The following DNAH10 variants were observed in gnomAD, a reference collection of about 807,000 sequenced individuals.
The protein encoded by DNAH10 is axonemal beta dynein heavy chain 10.
Under a neutral mutation model 506.6 loss-of-function variants are expected in DNAH10, and 348 were observed. The ratio of observed to expected loss-of-function variants is 0.69; its 90% CI spans 0.63 to 0.75. DNAH10 has a LOEUF of 0.75. Among genes scored for constraint, DNAH10 ranks in the 30% least tolerant of loss-of-function variants. The pLI, the probability that DNAH10 is intolerant of heterozygous loss-of-function variation, is 0.00. For missense variants in DNAH10, 5,179 were observed against 5,787.1 expected (o/e 0.89, Z 3.41); for synonymous variants, 2,059 against 2,198.6 (o/e 0.94, Z 1.78).
intron 39 of DNAH10, among the ~76,000 whole-genome samples, 173 bp from the exon 40 acceptor site, chr12:123,864,422 G>GT (rs1951725958): frequency 6.6e-6 from 1 of 152,066 alleles, no homozygotes; most frequent in South Asian, 2.1e-4. Context: ...TGGGATTACA[G>GT]TTTTTTATGT....
At position 123,928,980 on chromosome 12, in the gene DNAH10, C is replaced by G; in HGVS notation, c.12307-295C>G. The G allele has an allele frequency of 3.8e-6, 1 of 262,444 alleles. No individual in the cohort carries two copies. The highest frequency in any genetic ancestry group is 8.1e-5 in the South Asian group (1 of 12,390). 16.3% of individuals were successfully genotyped at this position (262,444 alleles called of 1,614,324 possible). On this transcript the variant is annotated intron_variant, in intron 70 of 78. Transcript: ENST00000673944. This position sits in a 1 kb window ranked among gnomAD's most constrained non-coding sequence, Gnocchi z 4.9. ...TTGGAAAGGTTTTGTCATTCTCTGT[C>G]TCTCTCTCTCTCTCTGGGGAGGTGG... is the stretch of plus-strand genomic sequence containing the variant.
At chr12:123,847,021 C>A (rs1348120704) in intron 32 of DNAH10, among the ~76,000 whole-genome samples, 2 of 152,126 alleles carry the variant, frequency 1.3e-5, no homozygotes, top group Non-Finnish European at 2.9e-5. Context: ...TAGGGTTCCA[C>A]AGAGAAATAG....
intron 25 of DNAH10, among the ~76,000 whole-genome samples, chr12:123,829,815 C>T (rs1179166143): frequency 1.4e-5 from 2 of 144,674 alleles, no homozygotes; most frequent in Non-Finnish European, 2.9e-5. Context: ...CTGCCTTACT[C>T]ACACCCATTC....
Position 123,762,442 on chromosome 12 carries a change from G to C in DNAH10, c.106G>C (p.Gly36Arg). 6.8e-7 allele frequency: 1 copy of C among 1,465,234 alleles called. No individual in the cohort carries two copies. The highest frequency in any genetic ancestry group is 9.1e-7 in the Non-Finnish European group (1 of 1,102,782). 90.8% of individuals were successfully genotyped at this position (1,465,234 alleles called of 1,614,324 possible). A position where few individuals can be genotyped will look rare whatever the true frequency, so the allele number is the denominator to read the frequency against. ...CCTGCTCAACCGCGACGACGGCCAG[G>C]GCGAGGACCTCATCTTGCACTTCCT... ...EDLLNRDDGQ[G>R]EDLILHFLNQ... The change falls in exon 1 of 79, where the codon GGC becomes CGC. Residue 36 changes from glycine (G) to arginine (R), a missense_variant. By Grantham distance (125) the Gly-to-Arg change is moderately radical. Coordinates refer to ENST00000673944, the MANE Select transcript of DNAH10 (RefSeq NM_001372106.1). This position sits in a 1 kb window ranked among gnomAD's most constrained non-coding sequence, Gnocchi z 5.0.
At chr12:123,837,429 A>T (rs964570551) in intron 28 of DNAH10, among the ~76,000 whole-genome samples, 2 of 152,160 alleles carry the variant, frequency 1.3e-5, no homozygotes, top group African/African-American at 4.8e-5. Context: ...AAGCCAAGAA[A>T]AAAAAGAAAG....
chr12:123,893,247 CT>C lies in DNAH10; in HGVS notation c.9016del (p.Ser3006LeufsTer9). On this transcript the variant is annotated frameshift_variant, in exon 53 of 79. Coordinates refer to ENST00000673944, the MANE Select transcript of DNAH10 (RefSeq NM_001372106.1). LOFTEE classifies it high-confidence loss of function. ...TCCTTTTCCAGGAATTGTACCTGCG[CT>C]TTTTTCTGAAGAGGAGAAAGAGTCT... Reference protein sequence around the residue: ...NMLTSGIVPALFSEEEKESIL... With the variant: ...NMLTSGIVPAXFSEEEKESIL... 1 of 1,614,026 alleles carries C rather than the reference CT, an allele frequency of 6.2e-7. No individual in the cohort carries two copies. The highest frequency in any genetic ancestry group is 8.5e-7 in the Non-Finnish European group (1 of 1,179,884).
chr12:123,813,124 A>G, intron 19 of DNAH10, 40 bp from the exon 20 acceptor site: 2 of 1,499,936 alleles, frequency 1.3e-6, no homozygotes, highest in Non-Finnish European at 1.8e-6. Context: ...CAAAATAGAT[A>G]CTAAAATACT....
chr12:123,900,918 A>C (rs1459243416), intron 56 of DNAH10, among the ~76,000 whole-genome samples: 2 of 152,120 alleles, frequency 1.3e-5, no homozygotes, highest in African/African-American at 4.8e-5. Context: ...ACATTCCCTC[A>C]AAGCTCCCAG....
chr12:123,920,118 T>G (rs951443013), intron 65 of DNAH10, among the ~76,000 whole-genome samples: 2 of 152,224 alleles, frequency 1.3e-5, no homozygotes, highest in Non-Finnish European at 2.9e-5. Context: ...GGAAAACATA[T>G]GCAAAAGAGA....
intron 18 of DNAH10, 113 bp from the exon 19 acceptor site, chr12:123,808,676 CCTCACAGT>C (rs1958808312): frequency 2.1e-6 from 2 of 971,856 alleles, no homozygotes; most frequent in South Asian, 3.1e-5. Flanking sequence ...TCTAGGACAG[CCTCACAGT>C]GTGCCATTGC....
At chr12:123,771,724 G>C (rs753118970) in intron 3 of DNAH10, 26 bp downstream of exon 3, 3 of 1,581,062 alleles carry the variant, frequency 1.9e-6, no homozygotes, top group South Asian at 1.1e-5. Context: ...TGTCCTTGTT[G>C]GTGGGGTAAT....
chr12:123,919,083 CTTTTT>C lies in DNAH10; in HGVS notation c.11506+140_11506+144del. ...CTTTTTTCTTTCTTTCTTTCTTTTT[CTTTTT>C]TTTTTGAGATAGGGTCTTGCTCCAT... is the stretch of plus-strand genomic sequence containing the variant. On this transcript the variant is annotated intron_variant, in intron 65 of 78. Coordinates refer to ENST00000673944, the MANE Select transcript of DNAH10 (RefSeq NM_001372106.1). The surrounding 1 kb of genome is among the most constrained non-coding windows in gnomAD (Gnocchi z 4.9). 1 of 1,080,040 alleles carries C rather than the reference CTTTTT, an allele frequency of 9.3e-7. No individual in the cohort carries two copies. The highest frequency in any genetic ancestry group is 1.2e-6 in the Non-Finnish European group (1 of 806,236). 66.9% of individuals were successfully genotyped at this position (1,080,040 alleles called of 1,614,324 possible). A position where few individuals can be genotyped will look rare whatever the true frequency, so the allele number is the denominator to read the frequency against.
At position 123,879,282 on chromosome 12, in the gene DNAH10, G is replaced by A; in HGVS notation, c.8391G>A (p.Gln2797=). The change falls in exon 49 of 79, where the codon CAG becomes CAA. Residue 2797 remains glutamine, a synonymous_variant. Transcript: ENST00000673944. ...TNPERFQTVA[Q]MVRVWRNECL... is the part of the protein sequence containing the mutation. Reference sequence around the variant, plus strand: ...TCTGCAGATTCCAGACGGTGGCCCAGATGGTGAGAGTCTGGAGGAATGAGT... The same window carrying A: ...TCTGCAGATTCCAGACGGTGGCCCAAATGGTGAGAGTCTGGAGGAATGAGT... 1.3e-6 allele frequency: 2 copies of A among 1,577,876 alleles called. No individual in the cohort carries two copies. The highest frequency in any genetic ancestry group is 1.7e-6 in the Non-Finnish European group (2 of 1,161,182).
intron 42 of DNAH10, 128 bp from the exon 43 acceptor site, chr12:123,867,775 G>C: frequency 7.5e-7 from 1 of 1,331,176 alleles, no homozygotes; most frequent in South Asian, 1.5e-5. Context: ...GGTTCCATCT[G>C]TCTGAACCAA....
intron 54 of DNAH10, among the ~76,000 whole-genome samples, chr12:123,895,632 A>C (rs1953183711): frequency 6.6e-6 from 1 of 152,160 alleles, no homozygotes; most frequent in Non-Finnish European, 1.5e-5. Context: ...TTACAAAAAC[A>C]GGGGGCGGGC....
At chr12:123,877,945 GGTATGATA>G in intron 48 of DNAH10, 37 bp downstream of exon 48, 1 of 1,591,878 alleles carries the variant, frequency 6.3e-7, no homozygotes, top group Non-Finnish European at 8.5e-7. Context: ...ATGCCCCACA[GGTATGATA>G]GTTTTCTTAT....
rs1345270077 is a variant in DNAH10 at position 123,903,225 on chromosome 12, CTG to C, written c.9815+115_9815+116del. Reference sequence around the variant, plus strand: ...AAGGAGCCGATGCCACATGCTGCCACTGTGCCTGGCTCTCTCCATGGTGGAGA... The same window carrying C: ...AAGGAGCCGATGCCACATGCTGCCACTGCCTGGCTCTCTCCATGGTGGAGA... On this transcript the variant is annotated intron_variant, in intron 57 of 78. Transcript: ENST00000673944. This position sits in a 1 kb window ranked among gnomAD's most constrained non-coding sequence, Gnocchi z 4.6. 5 of 1,321,068 alleles carry C rather than the reference CTG, an allele frequency of 3.8e-6. No homozygotes were observed. Among genetic ancestry groups the C allele is most frequent in the Non-Finnish European group, 5.1e-6 (5 of 988,488 alleles). 81.8% of individuals were successfully genotyped at this position (1,321,068 alleles called of 1,614,324 possible).
rs145484091 is a variant in DNAH10 at position 123,816,791 on chromosome 12, T to C, written c.3781-2159T>C. 3.0e-3 allele frequency among the ~76,000 whole-genome samples: 453 copies of C among 152,334 alleles called. 2 individuals are homozygous for C. The highest frequency in any genetic ancestry group is 0.01 in the African/African-American group (432 of 41,558). On this transcript the variant is annotated intron_variant, in intron 21 of 78. Coordinates refer to ENST00000673944, the MANE Select transcript of DNAH10 (RefSeq NM_001372106.1). ...CTTATGGGACTTACGCCTGCATTTC[T>C]ATTGAGTATAGGCCTAGACGTGAAG...
chr12:123,826,631 T>C (rs1960020136), intron 24 of DNAH10, 56 bp from the exon 25 acceptor site: 1 of 1,526,634 alleles, frequency 6.6e-7, no homozygotes, highest in African/African-American at 1.4e-5. Context: ...CTTGCTCTCC[T>C]TGTTGCATTT....
Sources: gnomAD v4.1 joint callset for allele counts (sites outside exome capture counted in the v4.1 genomes callset) on GRCh38, gnomAD v4.1.1 for gene constraint, Gnocchi (gnomAD v3.1) non-coding constraint, MANE v1.5 for transcripts, NCBI Gene and HGNC (gene_info 2026-07-23, HGNC 2026-07-21) for gene names.